ATXN1: variants seen among roughly 807,000 people sequenced by gnomAD.
ATXN1 encodes ataxin-1.
ATXN1 carries 8 observed loss-of-function variants against 56.4 expected under a neutral mutation model. That is an observed-to-expected ratio of 0.14 (90% CI 0.08 to 0.26). The LOEUF is 0.26. ATXN1 is among the 10% of genes least tolerant of loss of function. The pLI is 1.00. For missense variants in ATXN1, 987 were observed against 1,106.5 expected (o/e 0.89, Z 1.53); for synonymous variants, 514 against 494.6 (o/e 1.04, Z -0.52).
intron 4 of ATXN1, among the ~76,000 whole-genome samples, chr6:16,537,879 G>A (rs1331624580): frequency 1.3e-5 from 2 of 152,140 alleles, no homozygotes; most frequent in Non-Finnish European, 2.9e-5. Context: ...AAGGTGGGCG[G>A]ATCACCTGAG....
intron 6 of ATXN1, among the ~76,000 whole-genome samples, chr6:16,469,579 A>C (rs565965554): frequency 6.6e-6 from 1 of 152,324 alleles, no homozygotes; most frequent in African/African-American, 2.4e-5. Flanking sequence ...ACTAGGCAGA[A>C]AGTCTACCTA....
intron 2 of ATXN1, among the ~76,000 whole-genome samples, chr6:16,711,739 TC>T (rs1314124816): frequency 5.9e-5 from 9 of 152,078 alleles, no homozygotes; most frequent in African/African-American, 2.2e-4. Flanking sequence ...CACCTCAGCC[TC>T]CTGAGTATCT....
intron 2 of ATXN1, among the ~76,000 whole-genome samples, chr6:16,750,525 T>C (rs1426480616): frequency 6.6e-6 from 1 of 152,248 alleles, no homozygotes; most frequent in Non-Finnish European, 1.5e-5. Flanking sequence ...AATGAGGCCA[T>C]TATTGATGCA....
chr6:16,582,896 A>G (rs1280391245), intron 4 of ATXN1, among the ~76,000 whole-genome samples: 3 of 152,170 alleles, frequency 2.0e-5, no homozygotes, highest in Admixed American at 6.5e-5. Context: ...TAGTGTTATT[A>G]CCATTCCCAC....
intron 3 of ATXN1, among the ~76,000 whole-genome samples, chr6:16,656,290 AG>A (rs995306061): frequency 6.6e-6 from 1 of 152,096 alleles, no homozygotes; most frequent in African/African-American, 2.4e-5. Flanking sequence ...CAAGAACTGA[AG>A]TGGATAATTA....
chr6:16,373,750 T>G (rs749215347), intron 6 of ATXN1, among the ~76,000 whole-genome samples: 23 of 152,348 alleles, frequency 1.5e-4, no homozygotes, highest in Admixed American at 3.3e-4. Context: ...GCCTTTTGCC[T>G]TCCACCATGA....
At chr6:16,695,222 T>TA (rs1376353261) in intron 2 of ATXN1, among the ~76,000 whole-genome samples, 1 of 152,196 alleles carries the variant, frequency 6.6e-6, no homozygotes, top group East Asian at 1.9e-4. Flanking sequence ...AACTTAGACT[T>TA]ACAATCTTTC....
intron 3 of ATXN1, among the ~76,000 whole-genome samples, chr6:16,590,918 C>T (rs1162225925): frequency 6.6e-6 from 1 of 151,884 alleles, no homozygotes; most frequent in Non-Finnish European, 1.5e-5. Flanking sequence ...TCTCCACTCA[C>T]CATAACCTCC....
At chr6:16,587,698 C>T (rs1437627105) in intron 3 of ATXN1, among the ~76,000 whole-genome samples, 3 of 151,910 alleles carry the variant, frequency 2.0e-5, no homozygotes, top group Non-Finnish European at 4.4e-5. Context: ...TTTGGGGGGC[C>T]AAGGCGGGAG....
chr6:16,477,905 C>G (rs1237868906), intron 6 of ATXN1, among the ~76,000 whole-genome samples: 1 of 152,146 alleles, frequency 6.6e-6, no homozygotes, highest in Non-Finnish European at 1.5e-5. Context: ...CTCCTGGAGG[C>G]CTGCCCAGAT....
At chr6:16,555,615 C>G (rs1029397949) in intron 4 of ATXN1, among the ~76,000 whole-genome samples, 1 of 152,134 alleles carries the variant, frequency 6.6e-6, no homozygotes, top group Non-Finnish European at 1.5e-5. Context: ...CTCTGCAGGC[C>G]AGGGGTGTGT....
intron 3 of ATXN1, among the ~76,000 whole-genome samples, chr6:16,608,347 T>C (rs1181857457): frequency 6.6e-6 from 1 of 152,224 alleles, no homozygotes; most frequent in Non-Finnish European, 1.5e-5. Flanking sequence ...ATAAAGCTCT[T>C]CTGGGTTCAT....
rs1243206488 is a variant in ATXN1, at chr6:16,308,322, T to TCTCACACA, written c.1918-1464_1918-1463insTGTGTGAG. On this transcript the variant is annotated intron_variant, in intron 7 of 7. Coordinates refer to ENST00000436367, the MANE Select transcript of ATXN1 (RefSeq NM_001128164.2). Reference sequence around the variant, plus strand: ...GCCTGGGCGACAGAGTGAAACTCCGTCACACACACACACACACACACACAC... The same window carrying TCTCACACA: ...GCCTGGGCGACAGAGTGAAACTCCGTCTCACACACACACACACACACACACACACACAC... Among the ~76,000 whole-genome samples the TCTCACACA allele has an allele frequency of 2.1e-3, 285 of 132,726 alleles. 3 individuals carry two copies. In the East Asian group the frequency reaches 0.025, roughly 12 times the overall value. 87.1% of individuals were successfully genotyped at this position (132,726 alleles called of 152,430 possible). A position where few individuals can be genotyped will look rare whatever the true frequency, so the allele number is the denominator to read the frequency against.
intron 6 of ATXN1, among the ~76,000 whole-genome samples, chr6:16,360,732 A>T (rs1241756403): frequency 6.6e-6 from 1 of 152,232 alleles, no homozygotes; most frequent in African/African-American, 2.4e-5. Flanking sequence ...CTATAAGGTC[A>T]GGCAAATTGT....
intron 6 of ATXN1, among the ~76,000 whole-genome samples, chr6:16,362,618 T>A (rs1055267509): frequency 6.6e-6 from 1 of 152,202 alleles, no homozygotes; most frequent in Non-Finnish European, 1.5e-5. Flanking sequence ...CTGCCATTTC[T>A]ATTTAAATGG....
chr6:16,651,754 A>G (rs968063210), intron 3 of ATXN1, among the ~76,000 whole-genome samples: 1 of 152,162 alleles, frequency 6.6e-6, no homozygotes, highest in Non-Finnish European at 1.5e-5. Context: ...TTGAGCTTAA[A>G]CTCTGAAGAG....
chr6:16,389,268 C>T (rs916828399), intron 6 of ATXN1, among the ~76,000 whole-genome samples: 10 of 146,560 alleles, frequency 6.8e-5, no homozygotes, highest in East Asian at 2.0e-4. Flanking sequence ...ACCCGGGAGG[C>T]GGAGGTTGTA....
chr6:16,381,818 T>G (rs1359027048), intron 6 of ATXN1, among the ~76,000 whole-genome samples: 1 of 152,204 alleles, frequency 6.6e-6, no homozygotes, highest in Non-Finnish European at 1.5e-5. Context: ...CTACGTTTGG[T>G]AGATACTTCT....
intron 5 of ATXN1, among the ~76,000 whole-genome samples, chr6:16,496,229 C>A (rs1282148157): frequency 6.6e-6 from 1 of 152,106 alleles, no homozygotes; most frequent in Non-Finnish European, 1.5e-5. Context: ...TTGGAGGAGG[C>A]TTCATAAAAG....
Sources: allele counts gnomAD v4.1 joint callset (sites outside exome capture counted in the v4.1 genomes callset), GRCh38; gene constraint gnomAD v4.1.1; transcripts MANE v1.5; gene names NCBI Gene and HGNC (gene_info 2026-07-23, HGNC 2026-07-21).